The following THSD7A variants were observed in gnomAD, a reference collection of about 807,000 sequenced individuals.
The protein encoded by THSD7A is thrombospondin type-1 domain-containing protein 7A.
A neutral mutation model predicts 231.3 loss-of-function variants in THSD7A; 96 were observed. The ratio of observed to expected loss-of-function variants is 0.41; its 90% CI spans 0.35 to 0.49. The LOEUF is 0.49. THSD7A is among the 20% of genes least tolerant of loss of function. The probability of loss-of-function intolerance (pLI) is 0.05; values close to 1 mark genes in which losing one functional copy is unlikely to be tolerated. For synonymous variants in THSD7A, 940 were observed against 743.3 expected (o/e 1.26, Z -4.30); for missense variants, 2,290 against 2,070.2 (o/e 1.11, Z -2.06).
chr7:11,751,330 G>A lies in THSD7A; in HGVS notation c.190+80427C>T, dbSNP rs953644532. On this transcript the variant is annotated intron_variant, in intron 1 of 27. Transcript: ENST00000423059. The stretch of plus-strand genomic sequence containing the variant: ...AAGAGGGCAATGGCTTTTCTATTAG[G>A]GGAGGAAAAGGCTGCACTCTGTCCT... 4 of 150,768 alleles carry A rather than the reference G, an allele frequency of 2.7e-5. No homozygotes were observed. In the East Asian group the frequency reaches 7.8e-4, roughly 29 times the overall value. The allele number at this position is 150,768 out of a possible 1,614,324, so 9.3% of individuals were successfully genotyped here.
At position 11,543,047 on chromosome 7, in the gene THSD7A, A is replaced by G. The variant is rs929169315; in HGVS notation, c.1524T>C (p.Pro508=). ...IPNTTQLCHI[P]CPTECEVSPW... is the part of the protein sequence containing the mutation. The stretch of plus-strand genomic sequence containing the variant: ...GTGAAACTTCACATTCAGTTGGACA[A>G]GGAATGTGGCACAGCTGTGTAGTAT... The change falls in exon 5 of 28, where the codon CCT becomes CCC. Residue 508 remains proline, a synonymous_variant. Transcript: ENST00000423059. The G allele has an allele frequency of 6.2e-6, 10 of 1,613,694 alleles. No homozygotes were observed. Among genetic ancestry groups the G allele is most frequent in the Non-Finnish European group, 8.5e-6 (10 of 1,179,738 alleles).
rs150215502 is a variant in THSD7A at position 11,760,028 on chromosome 7, A to G, written c.190+71729T>C. Among the ~76,000 whole-genome samples the G allele has an allele frequency of 3.9e-3, 595 of 152,158 alleles. 3 individuals carry two copies. Among genetic ancestry groups the G allele is most frequent in the African/African-American group, 0.013 (560 of 41,554 alleles). On this transcript the variant is annotated intron_variant, in intron 1 of 27. Transcript: ENST00000423059. ...ATACACAAACAAAATATGAGAAGCAATATTACACAAGTTGGGAGGGGTGGT... is the reference window on the plus strand; with the variant it reads ...ATACACAAACAAAATATGAGAAGCAGTATTACACAAGTTGGGAGGGGTGGT...
intron 1 of THSD7A, among the ~76,000 whole-genome samples, chr7:11,709,752 T>A (rs924829905): frequency 6.6e-6 from 1 of 150,770 alleles, no homozygotes. Flanking sequence ...ATACTTATAT[T>A]TAGAAGGTAA....
intron 1 of THSD7A, among the ~76,000 whole-genome samples, chr7:11,739,273 A>G (rs1422803073): frequency 6.6e-6 from 1 of 152,054 alleles, no homozygotes; most frequent in Admixed American, 6.6e-5. Context: ...CCAGTGAATA[A>G]GAGCCTTGAA....
chr7:11,730,410 AATTTAT>A (rs1340925521), intron 1 of THSD7A, among the ~76,000 whole-genome samples: 2 of 151,496 alleles, frequency 1.3e-5, no homozygotes, highest in African/African-American at 2.4e-5. Context: ...TTTTCTTTTT[AATTTAT>A]ATTTATATTA....
intron 1 of THSD7A, among the ~76,000 whole-genome samples, chr7:11,650,298 C>A (rs566237228): frequency 9.7e-4 from 148 of 152,120 alleles, no homozygotes; most frequent in African/African-American, 3.3e-3. Flanking sequence ...TGGACAACGT[C>A]TCCTGCATCT....
chr7:11,622,279 A>G (rs1238798041), intron 2 of THSD7A, among the ~76,000 whole-genome samples: 1 of 152,060 alleles, frequency 6.6e-6, no homozygotes, highest in Non-Finnish European at 1.5e-5. Flanking sequence ...GAGATTTAAA[A>G]AACTTAAGAA....
At chr7:11,555,339 T>C (rs530968728) in intron 4 of THSD7A, among the ~76,000 whole-genome samples, 1 of 152,146 alleles carries the variant, frequency 6.6e-6, no homozygotes, top group East Asian at 1.9e-4. Context: ...CTTTCACACA[T>C]TGATTGTTTA....
At chr7:11,721,096 T>C (rs1433245495) in intron 1 of THSD7A, among the ~76,000 whole-genome samples, 4 of 151,884 alleles carry the variant, frequency 2.6e-5, no homozygotes. Context: ...TATATTAAAC[T>C]GTTAGAAAAC....
At chr7:11,514,936 C>G (rs1487717599) in intron 6 of THSD7A, among the ~76,000 whole-genome samples, 1 of 152,132 alleles carries the variant, frequency 6.6e-6, no homozygotes, top group South Asian at 2.1e-4. Flanking sequence ...TTCTGTTACT[C>G]CATTTCTAAC....
At chr7:11,401,314 G>C (rs1783393955) in intron 23 of THSD7A, among the ~76,000 whole-genome samples, 1 of 152,154 alleles carries the variant, frequency 6.6e-6, no homozygotes, top group African/African-American at 2.4e-5. Context: ...CCTTATTTAT[G>C]AAGGGTGGCA....
chr7:11,632,845 C>T lies in THSD7A; in HGVS notation c.1022+3285G>A, dbSNP rs1781703939. Reference sequence around the variant, plus strand: ...GTGAATCAAGGTCTTCTTTTAATTTCAGGAAAGTCTTATCCTTGTATTTTG... The same window carrying T: ...GTGAATCAAGGTCTTCTTTTAATTTTAGGAAAGTCTTATCCTTGTATTTTG... On this transcript the variant is annotated intron_variant, in intron 2 of 27. Transcript: ENST00000423059. The surrounding 1 kb of genome is among the most constrained non-coding windows in gnomAD (Gnocchi z 4.1). Among the ~76,000 whole-genome samples, 1 of 152,128 alleles carries T rather than the reference C, an allele frequency of 6.6e-6. No homozygotes were observed. The highest frequency in any genetic ancestry group is 2.1e-4 in the South Asian group (1 of 4,828).
chr7:11,658,981 C>G (rs1007855047), intron 1 of THSD7A, among the ~76,000 whole-genome samples: 12 of 151,696 alleles, frequency 7.9e-5, no homozygotes, highest in African/African-American at 2.2e-4. Context: ...ATTTCTTTGA[C>G]TCAAACTGCA....
At chr7:11,602,939 G>C (rs1780599999) in intron 2 of THSD7A, among the ~76,000 whole-genome samples, 1 of 151,146 alleles carries the variant, frequency 6.6e-6, no homozygotes, top group Non-Finnish European at 1.5e-5. Flanking sequence ...AGAAAACCTA[G>C]GCATCACCAT....
intron 2 of THSD7A, among the ~76,000 whole-genome samples, chr7:11,613,192 A>C (rs1388662383): frequency 6.6e-6 from 1 of 152,240 alleles, no homozygotes; most frequent in African/African-American, 2.4e-5. Context: ...GACTTATTAC[A>C]TTCAAAGTAA....
At chr7:11,630,920 T>C (rs955553391) in intron 2 of THSD7A, among the ~76,000 whole-genome samples, 2 of 152,224 alleles carry the variant, frequency 1.3e-5, no homozygotes, top group African/African-American at 4.8e-5. Context: ...AATCACAGGC[T>C]ATGCTTGTTG....
chr7:11,574,606 T>C (rs1461806550), intron 4 of THSD7A, among the ~76,000 whole-genome samples: 1 of 151,294 alleles, frequency 6.6e-6, no homozygotes, highest in Non-Finnish European at 1.5e-5. Flanking sequence ...GGCTAATTTT[T>C]TTTTTTTTTT....
intron 1 of THSD7A, among the ~76,000 whole-genome samples, chr7:11,713,381 T>C (rs1411015183): frequency 6.6e-6 from 1 of 151,256 alleles, no homozygotes; most frequent in Non-Finnish European, 1.5e-5. Flanking sequence ...CATGTTACAT[T>C]AGTAACTATC....
At chr7:11,455,367 T>C (rs1477322314) in intron 11 of THSD7A, among the ~76,000 whole-genome samples, 3 of 152,070 alleles carry the variant, frequency 2.0e-5, no homozygotes, top group African/African-American at 7.2e-5. Context: ...TTAGAAAAGA[T>C]TTCTAATGTT....
Sources: gnomAD v4.1 joint callset for allele counts (sites outside exome capture counted in the v4.1 genomes callset) on GRCh38, gnomAD v4.1.1 for gene constraint, Gnocchi (gnomAD v3.1) non-coding constraint, MANE v1.5 for transcripts, NCBI Gene and HGNC (gene_info 2026-07-23, HGNC 2026-07-21) for gene names.